MICU1: variants seen among roughly 807,000 people sequenced by gnomAD.
MICU1 encodes the protein mitochondrial calcium uptake 1.
In MICU1, 45 loss-of-function variants were observed where a neutral mutation model predicts 56.8. That is an observed-to-expected ratio of 0.79 (90% CI 0.62 to 1.02). MICU1 has a LOEUF of 1.02. Among genes scored for constraint, MICU1 ranks in the 50% least tolerant of loss-of-function variants. The pLI is 0.00. For missense variants in MICU1, 504 were observed against 587.1 expected, an observed-to-expected ratio of 0.86 and a Z score of 1.46; for synonymous variants, 186 against 195.1, an observed-to-expected ratio of 0.95 and a Z score of 0.39.
chr10:72,596,621 C>G (rs1197522853), intron 1 of MICU1, among the ~76,000 whole-genome samples: 3 of 152,048 alleles, frequency 2.0e-5, no homozygotes, highest in Non-Finnish European at 4.4e-5. Context: ...CTGTAATCCC[C>G]AGCACTTTGG....
intron 8 of MICU1, among the ~76,000 whole-genome samples, chr10:72,462,903 G>A (rs188044231): frequency 2.0e-5 from 3 of 152,140 alleles, no homozygotes; most frequent in Admixed American, 6.5e-5. Flanking sequence ...TTATCTTGTG[G>A]CCAGTTTCAA....
At chr10:72,383,144 A>T (rs1862773818) in intron 10 of MICU1, among the ~76,000 whole-genome samples, 1 of 151,316 alleles carries the variant, frequency 6.6e-6, no homozygotes, top group African/African-American at 2.4e-5. Context: ...TACTTGGGAA[A>T]CTGAGGTGGG....
chr10:72,542,587 C>A (rs1839800478), intron 4 of MICU1, among the ~76,000 whole-genome samples: 1 of 152,218 alleles, frequency 6.6e-6, no homozygotes, highest in Non-Finnish European at 1.5e-5. Flanking sequence ...GCAGCAGCAT[C>A]TGGATGGGGG....
intron 9 of MICU1, among the ~76,000 whole-genome samples, chr10:72,413,060 G>C (rs1247147420): frequency 2.0e-5 from 3 of 151,872 alleles, no homozygotes; most frequent in Non-Finnish European, 4.4e-5. Flanking sequence ...AGCCAGGCAT[G>C]GTGGCATGTG....
At chr10:72,600,825 T>C (rs1841511693) in intron 1 of MICU1, among the ~76,000 whole-genome samples, 1 of 152,168 alleles carries the variant, frequency 6.6e-6, no homozygotes, top group African/African-American at 2.4e-5. Context: ...TCAGGTTCAG[T>C]ACTATCTGCT....
chr10:72,519,937 C>G (rs1867767190), intron 5 of MICU1, among the ~76,000 whole-genome samples: 1 of 152,172 alleles, frequency 6.6e-6, no homozygotes, highest in South Asian at 2.1e-4. Flanking sequence ...ATGAAGAACA[C>G]AGCTTTACTA....
chr10:72,369,341 T>TC (rs1444014492), intron 11 of MICU1, among the ~76,000 whole-genome samples: 5 of 147,980 alleles, frequency 3.4e-5, no homozygotes, highest in African/African-American at 1.2e-4. Flanking sequence ...AGGAGACAGG[T>TC]CCCCCCAGGG....
At chr10:72,403,335 G>C (rs1863519775) in intron 10 of MICU1, among the ~76,000 whole-genome samples, 1 of 151,942 alleles carries the variant, frequency 6.6e-6, no homozygotes, top group East Asian at 1.9e-4. Context: ...TCCAGCCTTG[G>C]CGAGAGAGAA....
chr10:72,523,288 C>T (rs935899621), intron 5 of MICU1, among the ~76,000 whole-genome samples: 4 of 152,176 alleles, frequency 2.6e-5, no homozygotes, highest in Non-Finnish European at 5.9e-5. Context: ...GTTAGTATCT[C>T]ATCTGATCTA....
chr10:72,533,050 G>A (rs1839534541), intron 5 of MICU1: 1 of 1,289,528 alleles, frequency 7.8e-7, no homozygotes. Flanking sequence ...GTGCTTTGTA[G>A]AACCATGCCT....
At chr10:72,495,291 T>C (rs1288073881) in intron 6 of MICU1, among the ~76,000 whole-genome samples, 1 of 152,064 alleles carries the variant, frequency 6.6e-6, no homozygotes, top group East Asian at 1.9e-4. Context: ...TTTTATTCCA[T>C]ACCATGTGCT....
intron 4 of MICU1, among the ~76,000 whole-genome samples, chr10:72,546,560 C>CT (rs1177149275): frequency 1.3e-5 from 2 of 152,212 alleles, no homozygotes; most frequent in African/African-American, 4.8e-5. Flanking sequence ...GATTTGGGGA[C>CT]TGCCTAATTT....
At chr10:72,534,317 C>T (rs1427718651) in intron 4 of MICU1, among the ~76,000 whole-genome samples, 1 of 151,828 alleles carries the variant, frequency 6.6e-6, no homozygotes, top group African/African-American at 2.4e-5. Flanking sequence ...GCTTTGGATT[C>T]TGTGCACTGT....
At chr10:72,543,162 T>C (rs1157139621) in intron 4 of MICU1, among the ~76,000 whole-genome samples, 1 of 152,172 alleles carries the variant, frequency 6.6e-6, no homozygotes, top group Non-Finnish European at 1.5e-5. Context: ...CTTTTTGGCT[T>C]GAAGGTGGGG....
intron 3 of MICU1, among the ~76,000 whole-genome samples, chr10:72,559,168 A>T (rs1055011723): frequency 1.3e-5 from 2 of 152,198 alleles, no homozygotes; most frequent in African/African-American, 4.8e-5. Flanking sequence ...AGCCTATGTG[A>T]CAGAGCAAGA....
At chr10:72,394,438 C>T (rs1315956348) in intron 10 of MICU1, among the ~76,000 whole-genome samples, 1 of 151,950 alleles carries the variant, frequency 6.6e-6, no homozygotes, top group Non-Finnish European at 1.5e-5. Flanking sequence ...CCAGCCTGGC[C>T]AATGTGGTAA....
chr10:72,395,337 G>A (rs1863213210), intron 10 of MICU1, among the ~76,000 whole-genome samples: 1 of 152,122 alleles, frequency 6.6e-6, no homozygotes. Flanking sequence ...AATAGGAACA[G>A]CTCCGGTCTG....
chr10:72,547,468 C>A (rs1002474358), intron 4 of MICU1, among the ~76,000 whole-genome samples: 4 of 151,298 alleles, frequency 2.6e-5, no homozygotes, highest in African/African-American at 9.7e-5. Flanking sequence ...GTATTTCTTG[C>A]ATCTAGAATG....
At chr10:72,605,119 A>G (rs759199180) in intron 1 of MICU1, among the ~76,000 whole-genome samples, 6 of 152,226 alleles carry the variant, frequency 3.9e-5, no homozygotes, top group Non-Finnish European at 8.8e-5. Flanking sequence ...AGGGTGCAGT[A>G]AAGAAGCCAG....
Sources: allele counts gnomAD v4.1 joint callset (sites outside exome capture counted in the v4.1 genomes callset), GRCh38; gene constraint gnomAD v4.1.1; transcripts MANE v1.5; gene names NCBI Gene and HGNC (gene_info 2026-07-23, HGNC 2026-07-21).